TSPAN5: variants seen among roughly 807,000 people sequenced by gnomAD.
The protein encoded by TSPAN5 is tetraspanin-5.
Under a neutral mutation model 37.1 loss-of-function variants are expected in TSPAN5, and 10 were observed. The ratio of observed to expected loss-of-function variants is 0.27; its 90% confidence interval spans 0.17 to 0.46. The LOEUF (loss-of-function observed/expected upper bound fraction) is 0.46, where lower values mean the gene tolerates loss of function less well. Ranked by LOEUF, TSPAN5 falls within the 20% of genes least tolerant of loss-of-function variation. The pLI is 1.00. For missense variants in TSPAN5, 195 were observed against 326.6 expected, an observed-to-expected ratio of 0.60 and a Z score of 3.11; for synonymous variants, 110 against 118.9, an observed-to-expected ratio of 0.93 and a Z score of 0.48.
chr4:98,533,052 G>A (rs1037370553), intron 1 of TSPAN5, among the ~76,000 whole-genome samples: 2 of 152,166 alleles, frequency 1.3e-5, no homozygotes, highest in African/African-American at 2.4e-5. Context: ...CTTCATCGTG[G>A]TGGATAAGCT....
intron 2 of TSPAN5, among the ~76,000 whole-genome samples, chr4:98,493,216 T>C (rs776994720): frequency 1.4e-4 from 21 of 152,108 alleles, no homozygotes; most frequent in Non-Finnish European, 2.5e-4. Context: ...AAATACAAAA[T>C]GTTATTTGAC....
intron 1 of TSPAN5, among the ~76,000 whole-genome samples, chr4:98,629,602 T>A (rs1756697464): frequency 6.6e-6 from 1 of 152,238 alleles, no homozygotes; most frequent in Admixed American, 6.5e-5. Flanking sequence ...ATCTCAAAAG[T>A]CATTAATAAA....
At chr4:98,537,022 G>A (rs982638325) in intron 1 of TSPAN5, among the ~76,000 whole-genome samples, 8 of 152,196 alleles carry the variant, frequency 5.3e-5, no homozygotes, top group African/African-American at 1.4e-4. Flanking sequence ...TCTCGTTGGC[G>A]TTCCAGGTGC....
chr4:98,493,252 C>T (rs976387388), intron 2 of TSPAN5, among the ~76,000 whole-genome samples: 5 of 152,132 alleles, frequency 3.3e-5, no homozygotes, highest in Admixed American at 6.5e-5. Flanking sequence ...CTGTTTATGC[C>T]AGAAGTGCAC....
At chr4:98,565,803 G>C (rs1305698976) in intron 1 of TSPAN5, among the ~76,000 whole-genome samples, 1 of 152,156 alleles carries the variant, frequency 6.6e-6, no homozygotes, top group African/African-American at 2.4e-5. Context: ...CAGTGGCCTA[G>C]AGTACATGCT....
intron 1 of TSPAN5, among the ~76,000 whole-genome samples, chr4:98,551,492 CTTT>C (rs35415457): frequency 8.7e-5 from 8 of 92,230 alleles, no homozygotes; most frequent in Non-Finnish European, 1.3e-4. Context: ...TTTTTCTTTT[CTTT>C]TTTTTTTTTT....
chr4:98,615,150 A>G (rs1756293135), intron 1 of TSPAN5, among the ~76,000 whole-genome samples: 1 of 152,156 alleles, frequency 6.6e-6, no homozygotes, highest in Non-Finnish European at 1.5e-5. Flanking sequence ...ATCCTCAGAT[A>G]TTCTCAAGAT....
chr4:98,610,618 T>C (rs1560558513), intron 1 of TSPAN5, among the ~76,000 whole-genome samples: 6 of 152,216 alleles, frequency 3.9e-5, no homozygotes, highest in Admixed American at 2.6e-4. Flanking sequence ...GCTCAGCACG[T>C]ATCTGTCGAG....
At chr4:98,656,586 T>C (rs1264780506) in intron 1 of TSPAN5, among the ~76,000 whole-genome samples, 1 of 152,200 alleles carries the variant, frequency 6.6e-6, no homozygotes, top group Non-Finnish European at 1.5e-5. Flanking sequence ...TGTAGCAGTG[T>C]TTAATTGCAG....
intron 1 of TSPAN5, among the ~76,000 whole-genome samples, chr4:98,517,977 T>G (rs1427789595): frequency 6.6e-6 from 1 of 152,202 alleles, no homozygotes; most frequent in Non-Finnish European, 1.5e-5. Context: ...AACATCAGCC[T>G]TTGTAGGAAT....
rs1259005816 is a variant in TSPAN5, at chr4:98,486,899, G to A, written c.133-15C>T. On this transcript the variant is annotated splice_polypyrimidine_tract_variant and intron_variant, in intron 2 of 7. Coordinates refer to ENST00000305798, the MANE Select transcript of TSPAN5 (RefSeq NM_005723.4). ...GACAGAACTCCCTGGGAGCAGAAAA[G>A]AACACACAACAAGGCACGGGGATGT... 6.2e-7 allele frequency: 1 copy of A among 1,612,850 alleles called. No individual in the cohort carries two copies.
Position 98,472,563 on chromosome 4 carries a change from T to C in TSPAN5, c.766A>G (p.Asn256Asp). The change falls in exon 8 of 8, where the codon AAT becomes GAT. Residue 256 changes from asparagine to aspartate, a missense_variant. By Grantham distance (23) the Asn-to-Asp change is conservative. Transcript: ENST00000305798. ...LQIFGICLAQ[N>D]LVSDIEAVRA... ...ACAGCTTCGATATCGCTAACCAAAT[T>C]CTGGGCCAGGCATATCCCAAATATC... The C allele has an allele frequency of 6.2e-7, 1 of 1,613,988 alleles. No individual in the cohort carries two copies. Among genetic ancestry groups the C allele is most frequent in the Non-Finnish European group, 8.5e-7 (1 of 1,179,982 alleles).
chr4:98,486,638 C>G, intron 3 of TSPAN5, 100 bp downstream of exon 3: 1 of 1,411,534 alleles, frequency 7.1e-7, no homozygotes, highest in Non-Finnish European at 9.9e-7. Flanking sequence ...TTGGCCAGTG[C>G]CTTTGGTACA....
intron 2 of TSPAN5, among the ~76,000 whole-genome samples, chr4:98,500,719 C>A (rs28702064): frequency 6.6e-6 from 1 of 152,154 alleles, no homozygotes; most frequent in Non-Finnish European, 1.5e-5. Context: ...CATTTTACAA[C>A]GTGTAAAGCT....
At chr4:98,639,484 A>ATTT (rs147127835) in intron 1 of TSPAN5, among the ~76,000 whole-genome samples, 3 of 136,632 alleles carry the variant, frequency 2.2e-5, no homozygotes, top group Non-Finnish European at 3.1e-5. Flanking sequence ...TGACTGGCTA[A>ATTT]TTTTTTTTTT....
In TSPAN5 at chr4:98,507,690, T is replaced by C. The variant is rs1240402494; in HGVS notation, c.120A>G (p.Ala40=). The change falls in exon 2 of 8, where the codon GCA becomes GCG. Residue 40 remains alanine, a synonymous_variant. Coordinates refer to ENST00000305798, the MANE Select transcript of TSPAN5 (RefSeq NM_005723.4). ...ATATTCAACTTACTTTTTCATTCCA[T>C]GCCCACAGTCCAATTCCAAGAAATG... ...GITFLGIGLW[A]WNEKGVLSNI... The C allele has an allele frequency of 6.2e-7, 1 of 1,611,322 alleles. No individual in the cohort carries two copies. Among genetic ancestry groups the C allele is most frequent in the South Asian group, 1.1e-5 (1 of 90,310 alleles).
intron 1 of TSPAN5, among the ~76,000 whole-genome samples, chr4:98,582,526 A>G (rs1308790865): frequency 6.6e-6 from 1 of 152,268 alleles, no homozygotes. Flanking sequence ...GGCATTTGCC[A>G]CACGTTGACT....
At chr4:98,478,596 G>A in intron 5 of TSPAN5, 89 bp downstream of exon 5, 1 of 1,544,818 alleles carries the variant, frequency 6.5e-7, no homozygotes. Flanking sequence ...GTAAGAAGAG[G>A]GTTCAACCAA....
At chr4:98,565,125 G>A (rs1244384060) in intron 1 of TSPAN5, among the ~76,000 whole-genome samples, 1 of 152,028 alleles carries the variant, frequency 6.6e-6, no homozygotes, top group Non-Finnish European at 1.5e-5. Context: ...GCACAATATG[G>A]CTCGTCATAT....
Sources: allele counts gnomAD v4.1 joint callset (sites outside exome capture counted in the v4.1 genomes callset), GRCh38; gene constraint gnomAD v4.1.1; transcripts MANE v1.5; gene names NCBI Gene and HGNC (gene_info 2026-07-23, HGNC 2026-07-21).